GALNT11: variants seen among roughly 807,000 people sequenced by gnomAD.
GALNT11 encodes the protein polypeptide N-acetylgalactosaminyltransferase 11, also known as UDP-GalNAc:polypeptide N-acetylgalactosaminyltransferase 11.
In GALNT11, 47 loss-of-function variants were observed where a neutral mutation model predicts 72.7. The observed-to-expected ratio is 0.65, with a 90% CI of 0.51 to 0.82. GALNT11 has a LOEUF of 0.82. Ranked by LOEUF, GALNT11 falls within the 40% of genes least tolerant of loss-of-function variation. The pLI is 0.00. For synonymous variants in GALNT11, 270 were observed against 286.6 expected, an observed-to-expected ratio of 0.94 and a Z score of 0.58; for missense variants, 677 against 778.4, an observed-to-expected ratio of 0.87 and a Z score of 1.55.
Position 152,108,125 on chromosome 7 carries a change from A to G in GALNT11, c.800A>G (p.His267Arg). The G allele has an allele frequency of 6.2e-7, 1 of 1,614,096 alleles. No homozygotes were observed. Among genetic ancestry groups the G allele is most frequent in the South Asian group, 1.1e-5 (1 of 91,066 alleles). The part of the protein sequence containing the change: ...PLLAAIREDR[H>R]TVVCPVIDII... ...CTGGCCGCCATCCGTGAGGACCGGC[A>G]CACCGTGGTGTGCCCAGTGATTGAC... The change falls in exon 6 of 12, where the codon CAC (histidine) becomes CGC (arginine). Residue 267 changes from histidine to arginine, a missense_variant. Transcript: ENST00000430044.
chr7:152,066,986 G>C (rs2084349030), intron 1 of GALNT11, among the ~76,000 whole-genome samples: 1 of 152,120 alleles, frequency 6.6e-6, no homozygotes, highest in South Asian at 2.1e-4. Flanking sequence ...TCATATACTT[G>C]GTCAATGCAG....
chr7:152,109,286 C>T (rs1251659032), intron 6 of GALNT11, among the ~76,000 whole-genome samples: 1 of 152,194 alleles, frequency 6.6e-6, no homozygotes, highest in East Asian at 1.9e-4. Context: ...GTATCCAGTT[C>T]TAGGTTGGCA....
chr7:152,120,644 C>T (rs772626961), intron 10 of GALNT11, 187 bp from the exon 11 acceptor site: 4 of 567,710 alleles, frequency 7.0e-6, no homozygotes, highest in African/African-American at 3.8e-5. Flanking sequence ...AGAATAGCAC[C>T]TCACTTTCTC....
Position 152,117,387 on chromosome 7 carries a change from G to GT in GALNT11, c.1452+18dup, listed in dbSNP as rs758624755. 4 of 1,613,184 alleles carry GT rather than the reference G, an allele frequency of 2.5e-6. No homozygotes were observed. The South Asian group carries it at 3.3e-5, about 13-fold the overall frequency. Reference sequence around the variant, plus strand: ...TTCAACGTGGAAGGGTAAGAAAGCTGTTTTTTCCAAGTGGCTTATGAAAAG... The same window carrying GT: ...TTCAACGTGGAAGGGTAAGAAAGCTGTTTTTTTCCAAGTGGCTTATGAAAAG... On this transcript the variant is annotated intron_variant, in intron 9 of 11. Transcript: ENST00000430044.
intron 10 of GALNT11, chr7:152,119,876 A>G (rs906302431): frequency 6.6e-6 from 1 of 152,188 alleles, no homozygotes; most frequent in Non-Finnish European, 1.5e-5. Context: ...CTCTGTCTCA[A>G]AAAAAAGAAG....
At chr7:152,096,410 T>C (rs952096553) in intron 2 of GALNT11, among the ~76,000 whole-genome samples, 4 of 152,136 alleles carry the variant, frequency 2.6e-5, no homozygotes, top group Non-Finnish European at 5.9e-5. Context: ...GTACATCAAA[T>C]AACATATCAA....
Position 152,069,973 on chromosome 7 carries a change from CTTTCTTT to C in GALNT11, c.-38-24200_-38-24194del, listed in dbSNP as rs201302502. ...ACTGTTTTGCACTCATTGCTTTTTT[CTTTCTTT>C]TTTCTTTTTTCTTTTTCTTTTTCTT... On this transcript the variant is annotated intron_variant, in intron 1 of 11. Transcript: ENST00000430044. Among the ~76,000 whole-genome samples the C allele has an allele frequency of 4.0e-3, 600 of 150,358 alleles. 1 individual carries two copies. The highest frequency in any genetic ancestry group is 0.014 in the African/African-American group (557 of 40,442).
rs182712696 is a variant in GALNT11, at chr7:152,088,381, T to G, written c.-38-5809T>G. Among the ~76,000 whole-genome samples, 221 of 152,220 alleles carry G rather than the reference T, an allele frequency of 1.5e-3. 1 individual carries two copies. Among genetic ancestry groups the G allele is most frequent in the Middle Eastern group, 3.4e-3 (1 of 294 alleles). ...CTCTTTATCTCCATTGATAAAACCA[T>G]TTGGGTTTTTTTTCTTTTAATTTAT... On this transcript the variant is annotated intron_variant, in intron 1 of 11. Coordinates refer to ENST00000430044, the MANE Select transcript of GALNT11 (RefSeq NM_022087.4).
chr7:152,113,513 C>T (rs2088466832), intron 8 of GALNT11, 115 bp downstream of exon 8: 3 of 1,186,726 alleles, frequency 2.5e-6, no homozygotes, highest in South Asian at 1.6e-5. Flanking sequence ...TTAACCTTCA[C>T]CTTAGGGCCA....
At chr7:152,037,912 T>C (rs555807496) in intron 1 of GALNT11, among the ~76,000 whole-genome samples, 14 of 151,998 alleles carry the variant, frequency 9.2e-5, no homozygotes, top group African/African-American at 3.4e-4. Flanking sequence ...GGGATTACAG[T>C]TGCCCACCAC....
chr7:152,079,789 T>A (rs1184890279), intron 1 of GALNT11, among the ~76,000 whole-genome samples: 1 of 152,204 alleles, frequency 6.6e-6, no homozygotes, highest in Non-Finnish European at 1.5e-5. Flanking sequence ...CAGGGGTATG[T>A]GGGTACTGTA....
chr7:152,089,233 T>C (rs754018531), intron 1 of GALNT11, among the ~76,000 whole-genome samples: 14 of 152,124 alleles, frequency 9.2e-5, no homozygotes, highest in Admixed American at 2.0e-4. Context: ...CTGGGACCAG[T>C]TGAGTCATGA....
At chr7:152,044,338 G>A (rs1021539032) in intron 1 of GALNT11, among the ~76,000 whole-genome samples, 2 of 152,182 alleles carry the variant, frequency 1.3e-5, no homozygotes, top group Non-Finnish European at 2.9e-5. Flanking sequence ...TCATGCTATT[G>A]TTTGTGGTTT....
intron 11 of GALNT11, among the ~76,000 whole-genome samples, chr7:152,121,281 G>A (rs1292384242): frequency 3.9e-5 from 6 of 152,322 alleles, no homozygotes; most frequent in South Asian, 2.1e-4. Context: ...CTGAGAAGGC[G>A]GAGGTGGGCG....
intron 1 of GALNT11, among the ~76,000 whole-genome samples, chr7:152,034,760 C>G (rs186297362): frequency 6.6e-6 from 1 of 152,142 alleles, no homozygotes; most frequent in African/African-American, 2.4e-5. Flanking sequence ...CACTCACTGA[C>G]GCAGCAGCAG....
chr7:152,102,935 A>G (rs149845557), intron 3 of GALNT11, among the ~76,000 whole-genome samples, 177 bp from the exon 4 acceptor site: 6 of 148,616 alleles, frequency 4.0e-5, no homozygotes, highest in Non-Finnish European at 7.4e-5. Context: ...GAGCCGAGAT[A>G]GCGCCACTGC....
chr7:152,093,086 A>C (rs2086145166), intron 1 of GALNT11, among the ~76,000 whole-genome samples: 1 of 152,066 alleles, frequency 6.6e-6, no homozygotes, highest in Admixed American at 6.5e-5. Context: ...AAAACTAGCC[A>C]GGTATGGTGG....
intron 1 of GALNT11, among the ~76,000 whole-genome samples, chr7:152,043,164 A>G (rs905482542): frequency 6.6e-6 from 1 of 152,222 alleles, no homozygotes; most frequent in African/African-American, 2.4e-5. Flanking sequence ...TCCAGGGAAC[A>G]GAAGTAGATG....
chr7:152,107,944 C>A, intron 5 of GALNT11, 94 bp from the exon 6 acceptor site: 1 of 1,443,050 alleles, frequency 6.9e-7, no homozygotes, highest in Non-Finnish European at 9.4e-7. Flanking sequence ...AGTCGTGTTT[C>A]ATGCTGTGTC....
Sources: allele counts gnomAD v4.1 joint callset (sites outside exome capture counted in the v4.1 genomes callset), GRCh38; gene constraint gnomAD v4.1.1; transcripts MANE v1.5; gene names NCBI Gene and HGNC (gene_info 2026-07-23, HGNC 2026-07-21).